The following LRRC8B variants were observed in gnomAD, a reference collection of about 807,000 sequenced individuals.
LRRC8B encodes leucine rich repeat containing 8 VRAC subunit B, also known as volume-regulated anion channel subunit LRRC8B.
Under a neutral mutation model 58.8 loss-of-function variants are expected in LRRC8B, and 23 were observed. The ratio of observed to expected loss-of-function variants is 0.39; its 90% CI spans 0.28 to 0.55. The LOEUF (loss-of-function observed/expected upper bound fraction) is 0.55, where lower values mean the gene tolerates loss of function less well. LRRC8B is among the 20% of genes least tolerant of loss of function. The pLI is 0.62. For missense variants in LRRC8B, 694 were observed against 936.0 expected (o/e 0.74, Z 3.37); for synonymous variants, 359 against 374.1 (o/e 0.96, Z 0.47).
chr1:89,551,262 A>G (rs1387747303), intron 1 of LRRC8B, among the ~76,000 whole-genome samples: 1 of 152,114 alleles, frequency 6.6e-6, no homozygotes. Flanking sequence ...GAAGCTTTGG[A>G]TGGTTGGAAG....
intron 1 of LRRC8B, among the ~76,000 whole-genome samples, chr1:89,543,776 A>G (rs937885110): frequency 6.6e-6 from 1 of 151,472 alleles, no homozygotes; most frequent in Non-Finnish European, 1.5e-5. Flanking sequence ...GATTACAGAC[A>G]TGAGCCACCA....
At chr1:89,564,249 G>C (rs1296803269) in intron 1 of LRRC8B, among the ~76,000 whole-genome samples, 1 of 152,124 alleles carries the variant, frequency 6.6e-6, no homozygotes, top group Non-Finnish European at 1.5e-5. Flanking sequence ...AGGCAGCCAG[G>C]GTGGAGGAAG....
At chr1:89,573,320 GAAC>G (rs1311200089) in intron 3 of LRRC8B, among the ~76,000 whole-genome samples, 3 of 150,648 alleles carry the variant, frequency 2.0e-5, no homozygotes, top group African/African-American at 7.3e-5. Flanking sequence ...AAAAAAAAAA[GAAC>G]AACTCAGATG....
rs139008615 is a variant in LRRC8B, at chr1:89,592,268, C to T, written c.2140-503C>T. ...GTATATATAATCATATTTTTTTGCT[C>T]TGCTTCTGTAGGCTTTTTTAAAAAA... On this transcript the variant is annotated intron_variant, in intron 5 of 5. Coordinates refer to ENST00000330947, the MANE Select transcript of LRRC8B (RefSeq NM_001369817.2). Among the ~76,000 whole-genome samples the T allele has an allele frequency of 3.3e-5, 5 of 152,068 alleles. No individual in the cohort carries two copies. In the East Asian group the frequency reaches 9.7e-4, roughly 29 times the overall value.
chr1:89,571,864 GAGA>G (rs1187359349), intron 3 of LRRC8B, among the ~76,000 whole-genome samples: 4 of 151,978 alleles, frequency 2.6e-5, no homozygotes, highest in Non-Finnish European at 4.4e-5. Flanking sequence ...CAATGGCATT[GAGA>G]AGAATGTATA....
chr1:89,550,403 T>C (rs1030681493), intron 1 of LRRC8B, among the ~76,000 whole-genome samples: 1 of 152,192 alleles, frequency 6.6e-6, no homozygotes, highest in African/African-American at 2.4e-5. Flanking sequence ...AGTCACTCCC[T>C]TTCACAAATA....
chr1:89,526,876 T>C (rs1033044173), intron 1 of LRRC8B: 1 of 152,262 alleles, frequency 6.6e-6, no homozygotes, highest in Non-Finnish European at 1.5e-5. Flanking sequence ...ACATTTTGAA[T>C]GATTTCATTT....
Position 89,583,079 on chromosome 1 carries a change from C to T in LRRC8B, c.429C>T (p.Pro143=). ...AACSNFWLHY[P]STSSRLEHFV... ...GCAGCAACTTTTGGCTTCACTACCC[C>T]AGTACCAGTTCCAGGCTCGAGCATT... The change falls in exon 5 of 6, where the codon CCC becomes CCT. Residue 143 remains proline, a synonymous_variant. Coordinates refer to ENST00000330947, the MANE Select transcript of LRRC8B (RefSeq NM_001369817.2). This position sits in a 1 kb window ranked among gnomAD's most constrained non-coding sequence, Gnocchi z 5.2. 2 of 1,614,226 alleles carry T rather than the reference C, an allele frequency of 1.2e-6. No individual in the cohort carries two copies. Among genetic ancestry groups the T allele is most frequent in the Non-Finnish European group, 1.7e-6 (2 of 1,180,048 alleles).
chr1:89,562,364 G>A (rs1028266390), intron 1 of LRRC8B, among the ~76,000 whole-genome samples: 4 of 152,076 alleles, frequency 2.6e-5, no homozygotes, highest in Non-Finnish European at 4.4e-5. Context: ...TTGTAAACAT[G>A]TGGGAGCTTC....
intron 1 of LRRC8B, among the ~76,000 whole-genome samples, chr1:89,537,831 G>A (rs972917075): frequency 4.9e-4 from 75 of 152,204 alleles, no homozygotes; most frequent in African/African-American, 1.7e-3. Flanking sequence ...CCCACCATGT[G>A]AGGATACAGC....
At position 89,595,157 on chromosome 1, in the gene LRRC8B, T is replaced by A. The variant is rs1655222325; in HGVS notation, c.*2114T>A. The A allele has an allele frequency of 6.6e-6, 1 of 152,200 alleles. No homozygotes were observed. Among genetic ancestry groups the A allele is most frequent in the Non-Finnish European group, 1.5e-5 (1 of 67,988 alleles). The allele number at this position is 152,200 out of a possible 1,614,324, so 9.4% of individuals were successfully genotyped here. On this transcript the variant is annotated 3_prime_UTR_variant, in exon 6 of 6. Coordinates refer to ENST00000330947, the MANE Select transcript of LRRC8B (RefSeq NM_001369817.2). ...AAGGAACAGTGTAAAAATAAACTAC[T>A]TACCAAAACTTGCCTTTAGTCAGAA...
intron 1 of LRRC8B, among the ~76,000 whole-genome samples, chr1:89,538,717 T>C: frequency 6.6e-6 from 1 of 151,806 alleles, no homozygotes; most frequent in South Asian, 2.1e-4. Context: ...CGAGGTTTTT[T>C]TTTGTTTGTT....
chr1:89,526,089 C>T (rs1268467633), intron 1 of LRRC8B, among the ~76,000 whole-genome samples: 6 of 152,334 alleles, frequency 3.9e-5, no homozygotes, highest in African/African-American at 1.2e-4. Context: ...GGTTCTGTCC[C>T]CTAAACCTAG....
intron 1 of LRRC8B, among the ~76,000 whole-genome samples, chr1:89,543,153 A>G (rs925576976): frequency 4.6e-5 from 7 of 152,220 alleles, no homozygotes; most frequent in Non-Finnish European, 1.0e-4. Context: ...AACTTGTTCA[A>G]TCTTCACATT....
chr1:89,582,576 T>C (rs940618746), intron 4 of LRRC8B, 49 bp from the exon 5 acceptor site: 7 of 1,081,892 alleles, frequency 6.5e-6, no homozygotes, highest in Non-Finnish European at 9.6e-6. Flanking sequence ...AGTAAAATGC[T>C]TATTTGAGTA....
intron 1 of LRRC8B, among the ~76,000 whole-genome samples, chr1:89,534,477 T>G (rs1407427791): frequency 6.6e-6 from 1 of 152,064 alleles, no homozygotes; most frequent in Non-Finnish European, 1.5e-5. Flanking sequence ...AACACTGTTA[T>G]GATTGAAAGT....
rs1317792559 is a variant in LRRC8B, at chr1:89,584,564, A to G, written c.1914A>G (p.Leu638=). 7 of 1,614,202 alleles carry G rather than the reference A, an allele frequency of 4.3e-6. No individual in the cohort carries two copies. The highest frequency in any genetic ancestry group is 5.1e-6 in the Non-Finnish European group (6 of 1,180,006). The change falls in exon 5 of 6, where the codon TTA becomes TTG. Residue 638 remains leucine (L), a synonymous_variant. Transcript: ENST00000330947. The stretch of plus-strand genomic sequence containing the variant: ...AGCATCTTCAGAATCTTTCCTGCTT[A>G]AAGTTGTGGCACAATAACATTGCTT... ...SFQHLQNLSC[L]KLWHNNIAYI...
At chr1:89,558,507 G>A (rs567213353) in intron 1 of LRRC8B, among the ~76,000 whole-genome samples, 10 of 152,204 alleles carry the variant, frequency 6.6e-5, no homozygotes, top group African/African-American at 2.4e-4. Context: ...TTTCAGAGTC[G>A]TCCAGCCCAA....
intron 1 of LRRC8B, among the ~76,000 whole-genome samples, chr1:89,538,370 T>C (rs999320765): frequency 3.9e-5 from 6 of 152,184 alleles, no homozygotes; most frequent in African/African-American, 1.4e-4. Context: ...GAACTGATAG[T>C]GCCTTTGAAG....
Sources: allele counts gnomAD v4.1 joint callset (sites outside exome capture counted in the v4.1 genomes callset), GRCh38; gene constraint gnomAD v4.1.1; non-coding constraint Gnocchi (gnomAD v3.1); transcripts MANE v1.5; gene names NCBI Gene and HGNC (gene_info 2026-07-23, HGNC 2026-07-21).